FMO3: variants seen among roughly 807,000 people sequenced by gnomAD.
FMO3 encodes the protein flavin-containing monooxygenase 3.
In FMO3, 40 loss-of-function variants were observed where a neutral mutation model predicts 39.4. The observed-to-expected ratio is 1.02, with a 90% confidence interval of 0.79 to 1.32. The LOEUF is 1.32. Ranked by LOEUF, FMO3 falls within the 40% of genes most tolerant of loss-of-function variation. The pLI, the probability that FMO3 is intolerant of heterozygous loss-of-function variation, is 0.00. For missense variants in FMO3, 680 were observed against 651.8 expected, an observed-to-expected ratio of 1.04 and a Z score of -0.47; for synonymous variants, 219 against 228.8, an observed-to-expected ratio of 0.96 and a Z score of 0.39.
At position 171,114,091 on chromosome 1, in the gene FMO3, G is replaced by C. The variant is rs866566270; in HGVS notation, c.912G>C (p.Lys304Asn). The change falls in exon 7 of 9, where the codon AAG (lysine) becomes AAC (asparagine). Residue 304 changes from lysine to asparagine, a missense_variant. Coordinates refer to ENST00000367755, the MANE Select transcript of FMO3 (RefSeq NM_001002294.3). ...TTGTGTCCGTAAAGCCTAACGTGAA[G>C]GAATTCACAGAGACCTCGGCCATTT... ...CGIVSVKPNV[K>N]EFTETSAIFE... is the part of the protein sequence containing the mutation. 6.2e-7 allele frequency: 1 copy of C among 1,613,748 alleles called. No individual in the cohort carries two copies. The highest frequency in any genetic ancestry group is 1.7e-5 in the Admixed American group (1 of 59,994).
At chr1:171,094,620 T>C (rs139920551) in intron 2 of FMO3, among the ~76,000 whole-genome samples, 7 of 152,274 alleles carry the variant, frequency 4.6e-5, no homozygotes, top group Middle Eastern at 3.4e-3. Flanking sequence ...TTTTTGTATA[T>C]GGTGAGAGAT....
chr1:171,113,133 C>T (rs1045501716), intron 6 of FMO3, among the ~76,000 whole-genome samples: 2 of 151,964 alleles, frequency 1.3e-5, no homozygotes, highest in African/African-American at 2.4e-5. Context: ...CTGCCTGTAG[C>T]ACTCTCTCAC....
At chr1:171,095,490 T>C (rs889885463) in intron 2 of FMO3, among the ~76,000 whole-genome samples, 3 of 151,856 alleles carry the variant, frequency 2.0e-5, no homozygotes, top group Admixed American at 6.6e-5. Flanking sequence ...CCCATTAATA[T>C]ATATGCAAAT....
intron 8 of FMO3, among the ~76,000 whole-genome samples, chr1:171,116,786 T>A (rs1656172526): frequency 6.6e-6 from 1 of 152,186 alleles, no homozygotes; most frequent in Non-Finnish European, 1.5e-5. Context: ...GAAGGGTCAT[T>A]TGAGCAAGAG....
In FMO3 at chr1:171,117,460, A is replaced by T; in HGVS notation, c.*18A>T. 1 of 1,604,980 alleles carries T rather than the reference A, an allele frequency of 6.2e-7. No individual in the cohort carries two copies. Among genetic ancestry groups the T allele is most frequent in the Non-Finnish European group, 8.5e-7 (1 of 1,172,920 alleles). On this transcript the variant is annotated 3_prime_UTR_variant, in exon 9 of 9. Coordinates refer to ENST00000367755, the MANE Select transcript of FMO3 (RefSeq NM_001002294.3). Reference sequence around the variant, plus strand: ...TGACCTAATCATCATTTTCTCTAGGATTTCTGAAAGTTACTGACAATACCC... The same window carrying T: ...TGACCTAATCATCATTTTCTCTAGGTTTTCTGAAAGTTACTGACAATACCC...
chr1:171,103,956 A>C lies in FMO3; in HGVS notation c.304A>C (p.Lys102Gln). Residue 102 changes from lysine (K) to glutamine (Q), a missense_variant, in exon 3 of 9, where the codon AAG becomes CAG. Transcript: ENST00000367755. ...IAFAKEKNLL[K>Q]YIQFKTFVSS... The stretch of plus-strand genomic sequence containing the variant: ...ATTTGCCAAAGAAAAGAACCTCCTG[A>C]AGTACATACAATTTAAGGTAAGATG... 1 of 1,612,054 alleles carries C rather than the reference A, an allele frequency of 6.2e-7. No homozygotes were observed. The highest frequency in any genetic ancestry group is 1.7e-5 in the Admixed American group (1 of 59,952).
rs999730076 is a variant in FMO3, at chr1:171,099,863, C to G, written c.133-3922C>G. 43 of 149,892 alleles carry G rather than the reference C, an allele frequency of 2.9e-4. 1 individual carries two copies. Among genetic ancestry groups the G allele is most frequent in the African/African-American group, 1.0e-3 (41 of 40,872 alleles). 9.3% of individuals were successfully genotyped at this position (149,892 alleles called of 1,614,324 possible). A position where few individuals can be genotyped will look rare whatever the true frequency, so the allele number is the denominator to read the frequency against. ...GCAATGGCACAATCTGAGCTCACTA[C>G]AACCTCCACCTCCTGGGATCAAGGG... On this transcript the variant is annotated intron_variant, in intron 2 of 8. Transcript: ENST00000367755.
In FMO3 at chr1:171,117,459, G is replaced by A. The variant is rs575861495; in HGVS notation, c.*17G>A. The A allele has an allele frequency of 5.0e-6, 8 of 1,606,008 alleles. No homozygotes were observed. In the South Asian group the frequency reaches 8.8e-5, roughly 18 times the overall value. On this transcript the variant is annotated 3_prime_UTR_variant, in exon 9 of 9. Transcript: ENST00000367755. ...TTGACCTAATCATCATTTTCTCTAG[G>A]ATTTCTGAAAGTTACTGACAATACC...
rs1234906295 is a variant in FMO3 at position 171,095,931 on chromosome 1, T to TAACATATAATATAATATATATAATTAC, written c.132+3142_132+3143insACATATAATATAATATATATAATTACA. Among the ~76,000 whole-genome samples, 5 of 74,860 alleles carry TAACATATAATATAATATATATAATTAC rather than the reference T, an allele frequency of 6.7e-5. No individual in the cohort carries two copies. The South Asian group carries it at 1.4e-3, about 22-fold the overall frequency. The allele number at this position is 74,860 out of a possible 152,430, so 49.1% of individuals were successfully genotyped here. On this transcript the variant is annotated intron_variant, in intron 2 of 8. Coordinates refer to ENST00000367755, the MANE Select transcript of FMO3 (RefSeq NM_001002294.3). ...GTATAAATATATATTTATATAATTA[T>TAACATATAATATAATATATATAATTAC]ATATAATATATATTTATGTATTATA... is the stretch of plus-strand genomic sequence containing the variant.
intron 2 of FMO3, among the ~76,000 whole-genome samples, chr1:171,093,727 G>A (rs571289913): frequency 6.6e-6 from 1 of 150,554 alleles, no homozygotes; most frequent in South Asian, 2.1e-4. Context: ...TGGGTCAAAT[G>A]GTAGTTCTAT....
chr1:171,115,803 T>C (rs574756130), intron 7 of FMO3, among the ~76,000 whole-genome samples: 1 of 152,288 alleles, frequency 6.6e-6, no homozygotes, highest in Non-Finnish European at 1.5e-5. Context: ...ACTTAGCCCT[T>C]CACCAAATTC....
intron 2 of FMO3, chr1:171,099,975 G>C (rs907716639): frequency 1.3e-5 from 2 of 151,844 alleles, no homozygotes; most frequent in Admixed American, 1.3e-4. Context: ...AGTAGAGATG[G>C]GGTTTCGCCA....
intron 6 of FMO3, among the ~76,000 whole-genome samples, chr1:171,112,716 G>A (rs1369644858): frequency 2.0e-5 from 3 of 152,182 alleles, no homozygotes; most frequent in Admixed American, 2.0e-4. Context: ...CACAAGACAG[G>A]AGGGAGGCTC....
chr1:171,101,824 C>T lies in FMO3; in HGVS notation c.133-1961C>T, dbSNP rs1049707638. On this transcript the variant is annotated intron_variant, in intron 2 of 8. Coordinates refer to ENST00000367755, the MANE Select transcript of FMO3 (RefSeq NM_001002294.3). Reference sequence around the variant, plus strand: ...AATGTCCTCTTTTCTCAGGAGCTCCCCAAACAATAAATCAGTAAATCATAT... The same window carrying T: ...AATGTCCTCTTTTCTCAGGAGCTCCTCAAACAATAAATCAGTAAATCATAT... 6 of 478,898 alleles carry T rather than the reference C, an allele frequency of 1.3e-5. No individual in the cohort carries two copies. The Middle Eastern group carries it at 2.0e-3, about 158-fold the overall frequency. The allele number at this position is 478,898 out of a possible 1,614,324, so 29.7% of individuals were successfully genotyped here.
At chr1:171,113,104 G>A (rs1359128092) in intron 6 of FMO3, among the ~76,000 whole-genome samples, 1 of 152,176 alleles carries the variant, frequency 6.6e-6, no homozygotes, top group Non-Finnish European at 1.5e-5. Context: ...TGGTGATGGA[G>A]TTTGTTCTCC....
chr1:171,100,801 C>G (rs1655344741), intron 2 of FMO3: 1 of 254,096 alleles, frequency 3.9e-6, no homozygotes, highest in Non-Finnish European at 7.9e-6. Flanking sequence ...TTAACAATGC[C>G]CCTCCTCAAA....
chr1:171,096,118 A>C (rs868069033), intron 2 of FMO3, among the ~76,000 whole-genome samples: 1,328 of 65,052 alleles, frequency 0.02, 23 homozygotes, highest in South Asian at 0.037. Context: ...ATTATTATAT[A>C]TTAATAATAT....
chr1:171,103,489 AAAAATC>A (rs987740669), intron 2 of FMO3, among the ~76,000 whole-genome samples: 8 of 152,340 alleles, frequency 5.3e-5, no homozygotes, highest in African/African-American at 1.7e-4. Context: ...AATAAAAATA[AAAAATC>A]AAAATCAAAA....
intron 2 of FMO3, among the ~76,000 whole-genome samples, chr1:171,095,379 T>A (rs1468401086): frequency 6.6e-6 from 1 of 152,180 alleles, no homozygotes; most frequent in Non-Finnish European, 1.5e-5. Context: ...CTTCATGTGT[T>A]GCCAAACAGC....
Sources: allele counts gnomAD v4.1 joint callset (sites outside exome capture counted in the v4.1 genomes callset), GRCh38; gene constraint gnomAD v4.1.1; transcripts MANE v1.5; gene names NCBI Gene and HGNC (gene_info 2026-07-23, HGNC 2026-07-21).